Variants in CNOT7 observed in about 807,000 individuals in gnomAD.
CNOT7 encodes CCR4-NOT transcription complex subunit 7.
A neutral mutation model predicts 37.1 loss-of-function variants in CNOT7; 4 were observed. The ratio of observed to expected loss-of-function variants is 0.11; its 90% CI spans 0.05 to 0.25. The LOEUF is 0.25. CNOT7 is among the 10% of genes least tolerant of loss of function. The pLI, the probability that CNOT7 is intolerant of heterozygous loss-of-function variation, is 1.00. For missense variants in CNOT7, 170 were observed against 336.2 expected (o/e 0.51, Z 3.87); for synonymous variants, 128 against 115.6 (o/e 1.11, Z -0.69).
In CNOT7 at chr8:17,246,847, G is replaced by C; in HGVS notation, c.-268C>G. 3 of 296,090 alleles carry C rather than the reference G, an allele frequency of 1.0e-5. No individual in the cohort carries two copies. The highest frequency in any genetic ancestry group is 8.4e-5 in the South Asian group (3 of 35,710). The allele number at this position is 296,090 out of a possible 1,614,324, so 18.3% of individuals were successfully genotyped here. ...CTGCGCCGCACCGTGCTGCGCCGTC[G>C]CTTTTCGCACGTCCTGACGGGGGCG... On this transcript the variant is annotated 5_prime_UTR_variant, in exon 1 of 7. Transcript: ENST00000361272.
At chr8:17,238,414 TAAAAG>T (rs1386269497) in intron 3 of CNOT7, among the ~76,000 whole-genome samples, 2 of 151,760 alleles carry the variant, frequency 1.3e-5, no homozygotes, top group Non-Finnish European at 2.9e-5. Flanking sequence ...GGAAATATTT[TAAAAG>T]AGAAGGAAAC....
intron 6 of CNOT7, chr8:17,231,600 G>A (rs113150513): frequency 4.1e-6 from 4 of 985,254 alleles, no homozygotes; most frequent in Non-Finnish European, 4.8e-6. Context: ...ATGTCTAAGA[G>A]AAAATATACT....
rs1156985170 is a variant in CNOT7 at position 17,246,799 on chromosome 8, G to A, written c.-220C>T. 3 of 207,278 alleles carry A rather than the reference G, an allele frequency of 1.4e-5. No homozygotes were observed. In the East Asian group the frequency reaches 5.2e-4, roughly 36 times the overall value. 12.8% of individuals were successfully genotyped at this position (207,278 alleles called of 1,614,324 possible). On this transcript the variant is annotated 5_prime_UTR_variant, in exon 1 of 7. Coordinates refer to ENST00000361272, the MANE Select transcript of CNOT7 (RefSeq NM_013354.7). ...GTGCCCCATAGACACCTCTCGCCCA[G>A]CGAAGGGAAAGGCGAGCAGGAGCTG...
At chr8:17,232,642 T>C (rs1427522205) in intron 5 of CNOT7, 105 bp from the exon 6 acceptor site, 7 of 919,242 alleles carry the variant, frequency 7.6e-6, no homozygotes, top group African/African-American at 3.3e-5. Context: ...AACTTTAGTA[T>C]GTAAAGGTGA....
chr8:17,243,441 C>A (rs1246533820), intron 2 of CNOT7: 4 of 606,302 alleles, frequency 6.6e-6, no homozygotes, highest in African/African-American at 1.8e-5. Flanking sequence ...CAAATACTTA[C>A]TCTATAACCA....
intron 1 of CNOT7, among the ~76,000 whole-genome samples, chr8:17,245,554 T>C (rs541597042): frequency 3.9e-5 from 6 of 152,348 alleles, no homozygotes; most frequent in South Asian, 2.1e-4. Flanking sequence ...TAAAACTTTA[T>C]AAAGCCATCC....
At chr8:17,239,250 A>G (rs1357982747) in intron 3 of CNOT7, among the ~76,000 whole-genome samples, 2 of 151,944 alleles carry the variant, frequency 1.3e-5, no homozygotes, top group Non-Finnish European at 1.5e-5. Context: ...GGGTTTTGCC[A>G]TGTTGCCCGA....
At chr8:17,236,246 T>C (rs1216983631) in intron 4 of CNOT7, among the ~76,000 whole-genome samples, 1 of 152,174 alleles carries the variant, frequency 6.6e-6, no homozygotes, top group Non-Finnish European at 1.5e-5. Flanking sequence ...AAACTAAACA[T>C]GCAGGAGACT....
chr8:17,240,706 G>C (rs1480687529), intron 3 of CNOT7, among the ~76,000 whole-genome samples: 1 of 152,164 alleles, frequency 6.6e-6, no homozygotes, highest in African/African-American at 2.4e-5. Context: ...TGAACAAAAA[G>C]TTAACATGGA....
intron 3 of CNOT7, chr8:17,241,369 A>T (rs150492682): frequency 2.7e-4 from 41 of 151,840 alleles, no homozygotes; most frequent in African/African-American, 8.7e-4. Context: ...TTGGTCTCCA[A>T]ATGGAGAGTA....
chr8:17,246,815 G>C lies in CNOT7; in HGVS notation c.-236C>G, dbSNP rs1228986329. The C allele has an allele frequency of 4.7e-6, 1 of 212,886 alleles. No individual in the cohort carries two copies. The highest frequency in any genetic ancestry group is 1.7e-4 in the East Asian group (1 of 5,920). 13.2% of individuals were successfully genotyped at this position (212,886 alleles called of 1,614,324 possible). ...TCTCGCCCAGCGAAGGGAAAGGCGA[G>C]CAGGAGCTGCGCCGCACCGTGCTGC... is the stretch of plus-strand genomic sequence containing the variant. On this transcript the variant is annotated 5_prime_UTR_variant, in exon 1 of 7. Coordinates refer to ENST00000361272, the MANE Select transcript of CNOT7 (RefSeq NM_013354.7).
intron 5 of CNOT7, 148 bp from the exon 6 acceptor site, chr8:17,232,685 A>C: frequency 1.5e-6 from 1 of 653,208 alleles, no homozygotes; most frequent in Non-Finnish European, 2.6e-6. Flanking sequence ...GAAACAGAGA[A>C]TGTGAATTAC....
chr8:17,230,564 G>T lies in CNOT7; in HGVS notation c.*156C>A. 2.2e-6 allele frequency: 1 copy of T among 459,008 alleles called. No individual in the cohort carries two copies. Among genetic ancestry groups the T allele is most frequent in the Non-Finnish European group, 3.7e-6 (1 of 267,362 alleles). The allele number at this position is 459,008 out of a possible 1,614,324, so 28.4% of individuals were successfully genotyped here. On this transcript the variant is annotated 3_prime_UTR_variant, in exon 7 of 7. Transcript: ENST00000361272. Reference sequence around the variant, plus strand: ...TTTCTTTTTATTAAGATCTGAGATAGGAACGGTCATACTTAGTACTGAAAG... The same window carrying T: ...TTTCTTTTTATTAAGATCTGAGATATGAACGGTCATACTTAGTACTGAAAG...
At position 17,237,393 on chromosome 8, in the gene CNOT7, G is replaced by C. The variant is rs1055457622; in HGVS notation, c.312-20C>G. 1.9e-6 allele frequency: 3 copies of C among 1,611,624 alleles called. No homozygotes were observed. The highest frequency in any genetic ancestry group is 2.7e-5 in the African/African-American group (2 of 74,904). On this transcript the variant is annotated intron_variant, in intron 3 of 6. Transcript: ENST00000361272. ...TCCTCCCTGGCAGAAGAAAGAGAAA[G>C]ACAACATTCAAACATGCCATTACTT...
At chr8:17,234,493 G>A (rs1340463136) in intron 5 of CNOT7, 1 of 497,372 alleles carries the variant, frequency 2.0e-6, no homozygotes, top group Non-Finnish European at 3.6e-6. Context: ...AGCCTGAAAT[G>A]TGTTGAAAAT....
At chr8:17,239,180 G>A (rs1198129960) in intron 3 of CNOT7, among the ~76,000 whole-genome samples, 1 of 152,162 alleles carries the variant, frequency 6.6e-6, no homozygotes, top group African/African-American at 2.4e-5. Flanking sequence ...AGCCTCCCAA[G>A]TAGCTGGGAC....
intron 6 of CNOT7, chr8:17,232,104 A>G: frequency 3.0e-6 from 3 of 992,056 alleles, no homozygotes; most frequent in Non-Finnish European, 3.8e-6. Flanking sequence ...GAGTTCTCCC[A>G]CTAGTAATGT....
rs2150959419 is a variant in CNOT7, at chr8:17,225,410, A to G, written c.*5310T>C. ...GGAGAGTATTGACCAGTTTATCTTT[A>G]AAAAGAAAATGAGTAATTCTGGAGA... On this transcript the variant is annotated 3_prime_UTR_variant, in exon 7 of 7. Transcript: ENST00000361272. 1.3e-5 allele frequency: 2 copies of G among 151,900 alleles called. 1 individual carries two copies. Among genetic ancestry groups the G allele is most frequent in the South Asian group, 4.1e-4 (2 of 4,830 alleles). The allele number at this position is 151,900 out of a possible 1,614,324, so 9.4% of individuals were successfully genotyped here.
chr8:17,234,929 T>C (rs2150979470), intron 4 of CNOT7, 69 bp from the exon 5 acceptor site: 1 of 1,422,472 alleles, frequency 7.0e-7, no homozygotes, highest in East Asian at 2.4e-5. Flanking sequence ...AAAAAAGTTT[T>C]TCTGATTCAA....
Sources: allele counts gnomAD v4.1 joint callset (sites outside exome capture counted in the v4.1 genomes callset), GRCh38; gene constraint gnomAD v4.1.1; transcripts MANE v1.5; gene names NCBI Gene and HGNC (gene_info 2026-07-23, HGNC 2026-07-21).